Variants in ALOX12B observed in about 807,000 individuals in gnomAD.
ALOX12B encodes arachidonate 12-lipoxygenase, 12R type, also known as arachidonate 12-lipoxygenase, 12R-type.
In ALOX12B, 47 loss-of-function variants were observed where a neutral mutation model predicts 78.9. The ratio of observed to expected loss-of-function variants is 0.60; its 90% CI spans 0.47 to 0.76. The LOEUF (loss-of-function observed/expected upper bound fraction) is 0.76, where lower values mean the gene tolerates loss of function less well. ALOX12B is among the 30% of genes least tolerant of loss of function. ALOX12B has a pLI of 0.00. For missense variants in ALOX12B, 805 were observed against 922.6 expected, an observed-to-expected ratio of 0.87 and a Z score of 1.65; for synonymous variants, 370 against 374.5, an observed-to-expected ratio of 0.99 and a Z score of 0.14.
intron 13 of ALOX12B, 141 bp downstream of exon 13, chr17:8,073,516 C>T (rs531895285): frequency 7.5e-6 from 8 of 1,061,256 alleles, no homozygotes; most frequent in African/African-American, 4.7e-5. Flanking sequence ...GCTCGGTTTC[C>T]GTTGGGACTG....
At chr17:8,074,820 A>G (rs1007024992) in intron 12 of ALOX12B, among the ~76,000 whole-genome samples, 1 of 152,024 alleles carries the variant, frequency 6.6e-6, no homozygotes, top group East Asian at 1.9e-4. Flanking sequence ...GGAACTCCCT[A>G]TGCTCTCTCT....
rs1977164180 is a variant in ALOX12B at position 8,079,653 on chromosome 17, G to C, written c.928-114C>G. On this transcript the variant is annotated intron_variant, in intron 7 of 14. Coordinates refer to ENST00000647874, the MANE Select transcript of ALOX12B (RefSeq NM_001139.3). The surrounding 1 kb of genome is among the most constrained non-coding windows in gnomAD (Gnocchi z 6.4). Reference sequence around the variant, plus strand: ...GGGGCAGGGGTGGGACGGGGACAGGGACGCGGGGTGCGGGCTTGCCTGGGA... The same window carrying C: ...GGGGCAGGGGTGGGACGGGGACAGGCACGCGGGGTGCGGGCTTGCCTGGGA... The C allele has an allele frequency of 1.3e-6, 2 of 1,533,448 alleles. No homozygotes were observed. Among genetic ancestry groups the C allele is most frequent in the East Asian group, 2.5e-5 (1 of 40,666 alleles). 95.0% of individuals were successfully genotyped at this position (1,533,448 alleles called of 1,614,324 possible). A position where few individuals can be genotyped will look rare whatever the true frequency, so the allele number is the denominator to read the frequency against.
chr17:8,079,462 G>A lies in ALOX12B; in HGVS notation c.1005C>T (p.His335=). The change falls in exon 8 of 15, where the codon CAC becomes CAT. Residue 335 remains histidine (H), a synonymous_variant. Coordinates refer to ENST00000647874, the MANE Select transcript of ALOX12B (RefSeq NM_001139.3). This position sits in a 1 kb window ranked among gnomAD's most constrained non-coding sequence, Gnocchi z 6.4. ...PTVELSGRKQ[H]HCAPLCLLHF... ...GCAGCAGGCAGAGGGGGGCGCAGTGGTGCTGCTTCCGGCCGCTGAGCTCCA... is the reference window on the plus strand; with the variant it reads ...GCAGCAGGCAGAGGGGGGCGCAGTGATGCTGCTTCCGGCCGCTGAGCTCCA... The A allele has an allele frequency of 6.4e-7, 1 of 1,551,102 alleles. No individual in the cohort carries two copies. The highest frequency in any genetic ancestry group is 8.7e-7 in the Non-Finnish European group (1 of 1,146,994).
At chr17:8,073,065 C>G (rs140340818) in intron 14 of ALOX12B, 83 bp downstream of exon 14, 38 of 1,607,674 alleles carry the variant, frequency 2.4e-5, no homozygotes, top group East Asian at 6.7e-5. Context: ...CCCTGCTCCC[C>G]TCTTGACGCC....
At chr17:8,077,281 A>G in intron 8 of ALOX12B, 88 bp from the exon 9 acceptor site, 1 of 1,360,334 alleles carries the variant, frequency 7.4e-7, no homozygotes, top group Non-Finnish European at 1.0e-6. Flanking sequence ...AGAAGGGAGT[A>G]TGAGAAGGTG....
rs1442507248 is a variant in ALOX12B, at chr17:8,077,203, G to A, written c.1072-10C>T. The A allele has an allele frequency of 2.1e-5, 33 of 1,606,006 alleles. No homozygotes were observed. The highest frequency in any genetic ancestry group is 2.7e-5 in the Non-Finnish European group (32 of 1,176,364). ...CAGGGGTCTGGCTGAGCTAGGTGTGGTGAAAGAGAAAGGGTTGGGTGAGGG... is the reference window on the plus strand; with the variant it reads ...CAGGGGTCTGGCTGAGCTAGGTGTGATGAAAGAGAAAGGGTTGGGTGAGGG... On this transcript the variant is annotated splice_polypyrimidine_tract_variant and intron_variant, in intron 8 of 14. Transcript: ENST00000647874.
chr17:8,076,102 G>A (rs1340238626), intron 11 of ALOX12B, 73 bp downstream of exon 11: 1 of 1,595,860 alleles, frequency 6.3e-7, no homozygotes, highest in African/African-American at 1.3e-5. Context: ...CAGTTCTCTA[G>A]AAGCTCCCCA....
rs775109077 is a variant in ALOX12B at position 8,086,033 on chromosome 17, G to C, written c.335C>G (p.Ala112Gly). 12 of 1,614,064 alleles carry C rather than the reference G, an allele frequency of 7.4e-6. No homozygotes were observed. The South Asian group carries it at 1.3e-4, about 18-fold the overall frequency. The part of the protein sequence containing the change: ...YQWMDGYETL[A>G]LREATGKTTA... ...GGGCTTACCTGTGGCCTCCCGGAGT[G>C]CCAGGGTCTCGTAGCCATCCATCCA... is the stretch of plus-strand genomic sequence containing the variant. Residue 112 changes from alanine (A) to glycine (G), a missense_variant, in exon 2 of 15, where the codon GCA (alanine) becomes GGA (glycine). Transcript: ENST00000647874.
intron 2 of ALOX12B, among the ~76,000 whole-genome samples, chr17:8,085,053 A>G (rs1017983668): frequency 3.0e-4 from 45 of 152,166 alleles, no homozygotes; most frequent in Admixed American, 1.0e-3. Context: ...TCTGAATAAC[A>G]GGGCCCCTAT....
chr17:8,075,673 C>T lies in ALOX12B; in HGVS notation c.1576G>A (p.Ala526Thr), dbSNP rs764136808. 4 of 1,614,052 alleles carry T rather than the reference C, an allele frequency of 2.5e-6. No individual in the cohort carries two copies. The highest frequency in any genetic ancestry group is 3.4e-6 in the Non-Finnish European group (4 of 1,180,050). Reference protein sequence around the residue: ...IITYYYPSDAAVEGDPELQSW... With the variant: ...IITYYYPSDATVEGDPELQSW... ...TGCAATTCCGGATCACCCTCCACGG[C>T]TGCGTCACTCGGGTAATAATAGGTG... Residue 526 changes from alanine (A) to threonine (T), a missense_variant, in exon 12 of 15, where the codon GCC becomes ACC. Transcript: ENST00000647874.
Position 8,076,347 on chromosome 17 carries a change from G to T in ALOX12B, c.1363-3C>A. Reference sequence around the variant, plus strand: ...CCTTCCACGCCCAGGGACATGCCCTGTGAGGAAGGAGGCAGATCCTGGAGC... The same window carrying T: ...CCTTCCACGCCCAGGGACATGCCCTTTGAGGAAGGAGGCAGATCCTGGAGC... On this transcript the variant is annotated splice_region_variant and splice_polypyrimidine_tract_variant and intron_variant, in intron 10 of 14. Transcript: ENST00000647874. 1.3e-6 allele frequency: 2 copies of T among 1,597,064 alleles called. No individual in the cohort carries two copies. The highest frequency in any genetic ancestry group is 1.7e-6 in the Non-Finnish European group (2 of 1,171,370).
At position 8,087,704 on chromosome 17, in the gene ALOX12B, C is replaced by A; in HGVS notation, c.-262G>T. ...GGTGGTGAGTGAGCAGGTGTCTGGG[C>A]TCCAAGCCTTCTGGGAGCTGGTGGG... On this transcript the variant is annotated 5_prime_UTR_variant, in exon 1 of 15. Transcript: ENST00000647874. The A allele has an allele frequency of 1.8e-6, 1 of 560,870 alleles. No individual in the cohort carries two copies. The highest frequency in any genetic ancestry group is 3.2e-6 in the Non-Finnish European group (1 of 313,048). 34.7% of individuals were successfully genotyped at this position (560,870 alleles called of 1,614,324 possible).
chr17:8,076,478 G>T, intron 10 of ALOX12B, 134 bp from the exon 11 acceptor site: 1 of 1,303,368 alleles, frequency 7.7e-7, no homozygotes. Flanking sequence ...CCTGCTCTGG[G>T]CCAGCACACC....
In ALOX12B at chr17:8,087,404, G is replaced by A. The variant is rs201251213; in HGVS notation, c.39C>T (p.Asp13=). The part of the protein sequence containing the change: ...TYKVRVATGT[D]LLSGTRDSIS... ...TGGAGTCCCGTGTTCCCGACAAGAG[G>A]TCGGTGCCTGTGGCCACCCTGACTT... The change falls in exon 1 of 15, where the codon GAC becomes GAT. Residue 13 remains aspartate (D), a synonymous_variant. Transcript: ENST00000647874. 2.9e-5 allele frequency: 47 copies of A among 1,614,248 alleles called. No individual in the cohort carries two copies. In the South Asian group the frequency reaches 3.7e-4, roughly 13 times the overall value.
chr17:8,083,131 T>C (rs114157730), intron 2 of ALOX12B, among the ~76,000 whole-genome samples: 1,564 of 152,274 alleles, frequency 0.01, 30 homozygotes, highest in African/African-American at 0.035. Flanking sequence ...GGGTGCCCTG[T>C]GGTAGATATA....
intron 2 of ALOX12B, among the ~76,000 whole-genome samples, chr17:8,084,487 C>T (rs762110505): frequency 6.6e-6 from 1 of 152,192 alleles, no homozygotes; most frequent in Non-Finnish European, 1.5e-5. Flanking sequence ...TGCGTGGCAG[C>T]GGCCCCACCC....
rs376107504 is a variant in ALOX12B, at chr17:8,081,092, A to T, written c.434+14T>A. The T allele has an allele frequency of 1.1e-5, 18 of 1,612,316 alleles. No homozygotes were observed. In the African/African-American group the frequency reaches 2.0e-4, roughly 18 times the overall value. On this transcript the variant is annotated intron_variant, in intron 3 of 14. Coordinates refer to ENST00000647874, the MANE Select transcript of ALOX12B (RefSeq NM_001139.3). ...CCCTGCCGGGCGCCCAGACTCTGCC[A>T]CCCGCCCCCTCACTGGTAGAAGTCC...
chr17:8,076,050 C>T, intron 11 of ALOX12B, 125 bp downstream of exon 11: 1 of 1,329,352 alleles, frequency 7.5e-7, no homozygotes, highest in Non-Finnish European at 1.1e-6. Context: ...CCCCAGGCCC[C>T]TTCCCCAAGG....
intron 12 of ALOX12B, among the ~76,000 whole-genome samples, chr17:8,074,963 C>G (rs12601804): frequency 0.031 from 4,789 of 152,306 alleles, 154 homozygotes; most frequent in East Asian, 0.16. Context: ...TCAGCTAGAT[C>G]TTAGCTTGCT....
Sources: gnomAD v4.1 joint callset for allele counts (sites outside exome capture counted in the v4.1 genomes callset) on GRCh38, gnomAD v4.1.1 for gene constraint, Gnocchi (gnomAD v3.1) non-coding constraint, MANE v1.5 for transcripts, NCBI Gene and HGNC (gene_info 2026-07-23, HGNC 2026-07-21) for gene names.